Variants in ATL1 observed in about 807,000 individuals in gnomAD.
The protein encoded by ATL1 is atlastin GTPase 1.
Under a neutral mutation model 75.5 loss-of-function variants are expected in ATL1, and 31 were observed. The ratio of observed to expected loss-of-function variants is 0.41; its 90% CI spans 0.31 to 0.55. ATL1 has a LOEUF of 0.55. Among genes scored for constraint, ATL1 ranks in the 20% least tolerant of loss-of-function variants. The probability of loss-of-function intolerance (pLI) is 0.27; values close to 1 mark genes in which losing one functional copy is unlikely to be tolerated. For synonymous variants in ATL1, 226 were observed against 233.3 expected (o/e 0.97, Z 0.28); for missense variants, 405 against 662.6 (o/e 0.61, Z 4.27).
At chr14:50,540,985 T>G (rs1380147098) in intron 1 of ATL1, among the ~76,000 whole-genome samples, 1 of 152,236 alleles carries the variant, frequency 6.6e-6, no homozygotes, top group Non-Finnish European at 1.5e-5. Context: ...TATTAAAAAT[T>G]TAATCAAATG....
chr14:50,588,512 G>A (rs1205219381), intron 2 of ATL1, among the ~76,000 whole-genome samples: 1 of 152,042 alleles, frequency 6.6e-6, no homozygotes, highest in African/African-American at 2.4e-5. Flanking sequence ...ATTAACATTA[G>A]TATTCCTGCT....
chr14:50,622,029 C>T (rs2039471827), intron 10 of ATL1, 130 bp downstream of exon 10: 2 of 740,790 alleles, frequency 2.7e-6, no homozygotes, highest in Non-Finnish European at 2.4e-6. Context: ...ATAACTTTAC[C>T]TATTTATGTG....
chr14:50,613,831 T>C (rs1373980190), intron 7 of ATL1, among the ~76,000 whole-genome samples: 2 of 152,218 alleles, frequency 1.3e-5, no homozygotes, highest in Non-Finnish European at 2.9e-5. Flanking sequence ...TCTGAACTTA[T>C]TAGGTTTACA....
chr14:50,579,382 G>T (rs2039035886), intron 1 of ATL1, among the ~76,000 whole-genome samples: 1 of 152,118 alleles, frequency 6.6e-6, no homozygotes, highest in African/African-American at 2.4e-5. Context: ...CATTACCATA[G>T]ATTTTAATTA....
At chr14:50,560,012 G>A (rs2038815137), upstream of ATL1, 2 of 567,286 alleles carry the variant, frequency 3.5e-6, no homozygotes, top group South Asian at 4.0e-5. Context: ...ACGGTCTGGG[G>A]GTGGACTGAG....
At chr14:50,630,078 C>CT in intron 13 of ATL1, 69 bp downstream of exon 13, 1 of 1,213,066 alleles carries the variant, frequency 8.2e-7, no homozygotes, top group Non-Finnish European at 1.2e-6. Flanking sequence ...TATAAACTGA[C>CT]TAAGCCATTA....
rs546200205 is a variant in ATL1, at chr14:50,587,706, G to A, written c.35-125G>A. On this transcript the variant is annotated intron_variant, in intron 1 of 13. Transcript: ENST00000358385. ...TTACAGGCATGAGCCACTGCACCCA[G>A]CATAAAATGAGCATTTATAATTCCA... is the stretch of plus-strand genomic sequence containing the variant. 1.4e-5 allele frequency: 19 copies of A among 1,334,898 alleles called. No individual in the cohort carries two copies. The African/African-American group carries it at 2.6e-4, about 18-fold the overall frequency. The allele number at this position is 1,334,898 out of a possible 1,614,324, so 82.7% of individuals were successfully genotyped here. A position where few individuals can be genotyped will look rare whatever the true frequency, so the allele number is the denominator to read the frequency against.
upstream of ATL1, chr14:50,559,300 G>C (rs1297555540): frequency 6.6e-6 from 1 of 152,264 alleles, no homozygotes. Flanking sequence ...GAAGGAAACT[G>C]TAAGGGACGG....
chr14:50,593,018 T>C (rs1250113277), intron 4 of ATL1, among the ~76,000 whole-genome samples: 1 of 150,676 alleles, frequency 6.6e-6, no homozygotes, highest in African/African-American at 2.4e-5. Context: ...ATGTACAATA[T>C]GATATTTTGA....
rs1416056272 is a variant in ATL1, at chr14:50,632,307, T to C, written c.1645T>C (p.Ser549Pro). The C allele has an allele frequency of 6.2e-7, 1 of 1,613,248 alleles. No individual in the cohort carries two copies. The highest frequency in any genetic ancestry group is 8.5e-7 in the Non-Finnish European group (1 of 1,179,342). Residue 549 changes from serine (S) to proline (P), a missense_variant, in exon 14 of 14, where the codon TCT (serine) becomes CCT (proline). Ser to Pro is a moderately conservative substitution (Grantham distance 74). This residue lies in a region of ATL1 where 163 missense variants were observed against 244.1 expected (regional missense o/e 0.67). Coordinates refer to ENST00000358385, the MANE Select transcript of ATL1 (RefSeq NM_015915.5). ...HQAFPTPKSESTEQSEKKKM is the reference protein window; with the variant it reads ...HQAFPTPKSEPTEQSEKKKM ...AGCTTTCCCTACACCAAAGTCGGAA[T>C]CTACTGAACAATCAGAAAAGAAAAA...
intron 11 of ATL1, among the ~76,000 whole-genome samples, chr14:50,627,715 A>T (rs1039731401): frequency 6.6e-6 from 1 of 152,220 alleles, no homozygotes; most frequent in Non-Finnish European, 1.5e-5. Context: ...TCATTCTGTG[A>T]ATGAACTCAG....
intron 6 of ATL1, among the ~76,000 whole-genome samples, chr14:50,612,905 A>G (rs540589335): frequency 6.6e-6 from 1 of 152,288 alleles, no homozygotes; most frequent in African/African-American, 2.4e-5. Context: ...GCCTGCATTC[A>G]GCCATACCTA....
rs59075218 is a variant in ATL1, at chr14:50,542,006, CAAAAAAAAAAAAAAAAAAAA to C, written c.-140+8662_-140+8681del. On this transcript the variant is annotated intron_variant, in intron 1 of 13. Transcript: ENST00000441560. The stretch of plus-strand genomic sequence containing the variant: ...TGGGCGACAGAGCGAGATTCCGTCT[CAAAAAAAAAAAAAAAAAAAA>C]AAAAAAAAAAAAAAAAAAAAAAGAA... 2.5e-3 allele frequency among the ~76,000 whole-genome samples: 154 copies of C among 62,458 alleles called. 1 individual carries two copies. Among genetic ancestry groups the C allele is most frequent in the East Asian group, 4.8e-3 (9 of 1,864 alleles). 41.0% of individuals were successfully genotyped at this position (62,458 alleles called of 152,430 possible).
intron 1 of ATL1, among the ~76,000 whole-genome samples, chr14:50,540,141 C>A (rs2038542642): frequency 6.6e-6 from 1 of 152,144 alleles, no homozygotes; most frequent in Non-Finnish European, 1.5e-5. Flanking sequence ...GGTCAGGTGG[C>A]TCAACTGTCA....
At chr14:50,592,542 T>TA (rs35475571) in intron 4 of ATL1, among the ~76,000 whole-genome samples, 72,679 of 149,132 alleles carry the variant, frequency 0.49, 18,710 homozygotes, top group East Asian at 0.74. Context: ...GTAAAAGTCA[T>TA]AAAAAAAAAA....
chr14:50,603,497 A>T (rs1452878728), intron 6 of ATL1, among the ~76,000 whole-genome samples: 1 of 152,038 alleles, frequency 6.6e-6, no homozygotes, highest in Non-Finnish European at 1.5e-5. Context: ...GGAAGCATAT[A>T]ATAATACTCT....
intron 1 of ATL1, among the ~76,000 whole-genome samples, chr14:50,542,286 G>A (rs1347908192): frequency 4.0e-5 from 6 of 149,990 alleles, no homozygotes; most frequent in South Asian, 2.2e-4. Context: ...CTGTGGTGTC[G>A]GGGGGAGGGG....
intron 1 of ATL1, among the ~76,000 whole-genome samples, chr14:50,554,679 A>T (rs76521201): frequency 6.6e-6 from 1 of 152,228 alleles, no homozygotes; most frequent in East Asian, 1.9e-4. Flanking sequence ...GCTCAAACAC[A>T]GTAGGCAAAG....
At chr14:50,574,971 A>ATATATC (rs1234160143) in intron 1 of ATL1, among the ~76,000 whole-genome samples, 9 of 129,590 alleles carry the variant, frequency 6.9e-5, no homozygotes, top group African/African-American at 2.4e-4. Context: ...ATATATATAT[A>ATATATC]TATATTAGCT....
Sources: allele counts gnomAD v4.1 joint callset (sites outside exome capture counted in the v4.1 genomes callset), GRCh38; gene constraint gnomAD v4.1.1; regional missense constraint gnomAD v4.1.1; transcripts MANE v1.5; gene names NCBI Gene and HGNC (gene_info 2026-07-23, HGNC 2026-07-21).